Variants in MAP3K5 observed in about 807,000 individuals in gnomAD.
The protein encoded by MAP3K5 is mitogen-activated protein kinase kinase kinase 5, also known as ASK-1.
Under a neutral mutation model 158.7 loss-of-function variants are expected in MAP3K5, and 56 were observed. The observed-to-expected ratio is 0.35, with a 90% CI of 0.28 to 0.44. The LOEUF is 0.44. Ranked by LOEUF, MAP3K5 falls within the 20% of genes least tolerant of loss-of-function variation. The pLI is 1.00. For synonymous variants in MAP3K5, 579 were observed against 601.7 expected, an observed-to-expected ratio of 0.96 and a Z score of 0.55; for missense variants, 1,294 against 1,674.8, an observed-to-expected ratio of 0.77 and a Z score of 3.97.
At chr6:136,663,958 C>A (rs1003351688) in intron 8 of MAP3K5, among the ~76,000 whole-genome samples, 1 of 151,878 alleles carries the variant, frequency 6.6e-6, no homozygotes. Flanking sequence ...TTTTTTATGA[C>A]CCTGACTTTT....
chr6:136,662,966 T>C (rs1779070255), intron 8 of MAP3K5, among the ~76,000 whole-genome samples: 1 of 152,212 alleles, frequency 6.6e-6, no homozygotes, highest in South Asian at 2.1e-4. Flanking sequence ...CACTGAGGAT[T>C]TTTTAATCAT....
intron 7 of MAP3K5, among the ~76,000 whole-genome samples, chr6:136,686,390 C>CCTA (rs1780147591): frequency 6.6e-6 from 1 of 152,152 alleles, no homozygotes; most frequent in African/African-American, 2.4e-5. Flanking sequence ...TCTCACCACT[C>CCTA]CTATTCAACA....
intron 1 of MAP3K5, among the ~76,000 whole-genome samples, chr6:136,776,688 G>A (rs1333447056): frequency 6.6e-6 from 1 of 152,198 alleles, no homozygotes; most frequent in Non-Finnish European, 1.5e-5. Context: ...TTAGCTTGGA[G>A]TTGTCTCCCT....
chr6:136,622,837 A>G lies in MAP3K5; in HGVS notation c.2150+11T>C, dbSNP rs377286681. Reference sequence around the variant, plus strand: ...CTACAGAACAGCTTTTAGTAGCTACAATTACTGTACCTGCTGTCTCTCTCT... The same window carrying G: ...CTACAGAACAGCTTTTAGTAGCTACGATTACTGTACCTGCTGTCTCTCTCT... On this transcript the variant is annotated intron_variant, in intron 15 of 29. Transcript: ENST00000359015. 1.4e-5 allele frequency: 22 copies of G among 1,610,042 alleles called. No homozygotes were observed. The African/African-American group carries it at 2.9e-4, about 22-fold the overall frequency.
At chr6:136,742,629 A>G (rs927699418) in intron 1 of MAP3K5, among the ~76,000 whole-genome samples, 1 of 152,176 alleles carries the variant, frequency 6.6e-6, no homozygotes, top group Non-Finnish European at 1.5e-5. Flanking sequence ...AGGCATAATA[A>G]AAGAATTATA....
At chr6:136,696,353 T>A (rs1413919729) in intron 5 of MAP3K5, among the ~76,000 whole-genome samples, 1 of 152,204 alleles carries the variant, frequency 6.6e-6, no homozygotes, top group Non-Finnish European at 1.5e-5. Flanking sequence ...TAAATATGGG[T>A]GATTTATTTC....
chr6:136,757,586 ATTT>A (rs897486770), intron 1 of MAP3K5, among the ~76,000 whole-genome samples: 2 of 127,814 alleles, frequency 1.6e-5, no homozygotes, highest in South Asian at 2.4e-4. Context: ...TTTATTTTTT[ATTT>A]TTTTTTTTTT....
chr6:136,580,264 G>T, intron 25 of MAP3K5, 37 bp downstream of exon 25: 1 of 1,316,418 alleles, frequency 7.6e-7, no homozygotes, highest in Non-Finnish European at 1.1e-6. Context: ...AAATATCCAA[G>T]CACTAAATAT....
intron 25 of MAP3K5, among the ~76,000 whole-genome samples, chr6:136,576,945 C>T (rs1774648244): frequency 6.6e-6 from 1 of 151,798 alleles, no homozygotes; most frequent in African/African-American, 2.4e-5. Context: ...AGCAACAGGC[C>T]ATACCATAAG....
intron 26 of MAP3K5, among the ~76,000 whole-genome samples, chr6:136,563,095 T>C (rs1366230690): frequency 1.3e-5 from 2 of 152,118 alleles, no homozygotes; most frequent in African/African-American, 4.8e-5. Context: ...GTATTTATAA[T>C]GAGCTCCCAG....
Position 136,774,061 on chromosome 6 carries a change from A to C in MAP3K5, c.448+17649T>G, listed in dbSNP as rs188066399. Among the ~76,000 whole-genome samples the C allele has an allele frequency of 6.6e-5, 10 of 152,286 alleles. 1 individual carries two copies. Among genetic ancestry groups the C allele is most frequent in the Non-Finnish European group, 1.5e-4 (10 of 68,020 alleles). Reference sequence around the variant, plus strand: ...ACTCATTTTTTCCATGATTTATTATAAAATGCCTGGCACATGTTAAGTGCT... The same window carrying C: ...ACTCATTTTTTCCATGATTTATTATCAAATGCCTGGCACATGTTAAGTGCT... On this transcript the variant is annotated intron_variant, in intron 1 of 29. Coordinates refer to ENST00000359015, the MANE Select transcript of MAP3K5 (RefSeq NM_005923.4).
intron 8 of MAP3K5, among the ~76,000 whole-genome samples, chr6:136,666,589 T>C (rs981459821): frequency 6.6e-6 from 1 of 152,210 alleles, no homozygotes; most frequent in South Asian, 2.1e-4. Flanking sequence ...CTCATTTTTA[T>C]TATATACTAT....
intron 25 of MAP3K5, among the ~76,000 whole-genome samples, chr6:136,574,664 T>C (rs1774518059): frequency 6.6e-6 from 1 of 151,450 alleles, no homozygotes; most frequent in Non-Finnish European, 1.5e-5. Context: ...TGTGCTCCTT[T>C]TGGAAAAAAG....
chr6:136,659,173 T>G, intron 9 of MAP3K5, 46 bp downstream of exon 9: 2 of 1,455,838 alleles, frequency 1.4e-6, no homozygotes, highest in Non-Finnish European at 1.9e-6. Flanking sequence ...GGGAACAATA[T>G]GGAGCTGTTT....
intron 14 of MAP3K5, among the ~76,000 whole-genome samples, chr6:136,630,961 A>G (rs1167060858): frequency 6.6e-6 from 1 of 152,160 alleles, no homozygotes; most frequent in African/African-American, 2.4e-5. Flanking sequence ...TTAGTCAGGC[A>G]TGGTGGTGCA....
At chr6:136,743,186 C>T (rs993191806) in intron 1 of MAP3K5, among the ~76,000 whole-genome samples, 2 of 152,218 alleles carry the variant, frequency 1.3e-5, no homozygotes, top group Non-Finnish European at 2.9e-5. Context: ...CGCAGTGGCT[C>T]ACGCCTGTAA....
chr6:136,789,971 C>A (rs999012041), intron 1 of MAP3K5, among the ~76,000 whole-genome samples: 23 of 152,054 alleles, frequency 1.5e-4, no homozygotes, highest in Non-Finnish European at 2.8e-4. Context: ...GGATTACAGG[C>A]GTGAGCCACC....
intron 7 of MAP3K5, among the ~76,000 whole-genome samples, chr6:136,683,036 C>G (rs977521444): frequency 6.6e-6 from 1 of 152,048 alleles, no homozygotes; most frequent in African/African-American, 2.4e-5. Flanking sequence ...TAAAGACATA[C>G]AAAATGGCGG....
chr6:136,657,352 T>A (rs988102595), intron 9 of MAP3K5, among the ~76,000 whole-genome samples: 1 of 152,196 alleles, frequency 6.6e-6, no homozygotes, highest in Non-Finnish European at 1.5e-5. Flanking sequence ...ATTAAGTTAG[T>A]GGAACCTTAA....
Sources: allele counts gnomAD v4.1 joint callset (sites outside exome capture counted in the v4.1 genomes callset), GRCh38; gene constraint gnomAD v4.1.1; transcripts MANE v1.5; gene names NCBI Gene and HGNC (gene_info 2026-07-23, HGNC 2026-07-21).